Variants in TTC39A observed in about 807,000 individuals in gnomAD.
The protein encoded by TTC39A is tetratricopeptide repeat protein 39A.
TTC39A carries 46 observed loss-of-function variants against 82.3 expected under a neutral mutation model. That is an observed-to-expected ratio of 0.56 (90% confidence interval 0.44 to 0.71). TTC39A has a LOEUF of 0.71. Ranked by LOEUF, TTC39A falls within the 30% of genes least tolerant of loss-of-function variation. The pLI, the probability that TTC39A is intolerant of heterozygous loss-of-function variation, is 0.00. For synonymous variants in TTC39A, 254 were observed against 275.2 expected (o/e 0.92, Z 0.76); for missense variants, 543 against 712.9 (o/e 0.76, Z 2.71).
chr1:51,298,083 C>T (rs1355876862), intron 12 of TTC39A: 5 of 152,586 alleles, frequency 3.3e-5, no homozygotes, highest in Non-Finnish European at 5.9e-5. Flanking sequence ...CCATCACTCC[C>T]TGCATCCAGC....
rs116295167 is a variant in TTC39A at position 51,315,728 on chromosome 1, C to T, written c.147-2785G>A. ...CTCCAGCCAAGGTGAGTGTCTCCATCTCTCAGATACTCTAGACCCTCATTC... is the reference window on the plus strand; with the variant it reads ...CTCCAGCCAAGGTGAGTGTCTCCATTTCTCAGATACTCTAGACCCTCATTC... On this transcript the variant is annotated intron_variant, in intron 2 of 17. Transcript: ENST00000680483. 6.1e-3 allele frequency among the ~76,000 whole-genome samples: 931 copies of T among 152,324 alleles called. 7 individuals carry two copies. Among genetic ancestry groups the T allele is most frequent in the African/African-American group, 0.021 (864 of 41,558 alleles).
At chr1:51,322,574 AAATGAATGAATGAATGAATG>A (rs140876899) in intron 1 of TTC39A, among the ~76,000 whole-genome samples, 13 of 149,896 alleles carry the variant, frequency 8.7e-5, no homozygotes, top group African/African-American at 1.5e-4. Flanking sequence ...TCTGTTAGGT[AAATGAATGAATGAATGAATG>A]AATGAATGAA....
upstream of TTC39A, among the ~76,000 whole-genome samples, chr1:51,332,983 C>T (rs191913542): frequency 1.3e-5 from 2 of 152,220 alleles, no homozygotes; most frequent in East Asian, 1.9e-4. Context: ...GAGGCTGAGA[C>T]AGGCAGATCA....
In TTC39A at chr1:51,321,105, C is replaced by T. The variant is rs1645501020; in HGVS notation, c.146+616G>A. 2.0e-5 allele frequency among the ~76,000 whole-genome samples: 3 copies of T among 152,148 alleles called. No homozygotes were observed. In the South Asian group the frequency reaches 6.2e-4, roughly 32 times the overall value. On this transcript the variant is annotated intron_variant, in intron 2 of 17. Coordinates refer to ENST00000680483, the MANE Select transcript of TTC39A (RefSeq NM_001297663.2). This position sits in a 1 kb window ranked among gnomAD's most constrained non-coding sequence, Gnocchi z 4.6. ...GCCAGGCTGGTCTTGAACTTCTGACCTCAAGTGATCCACCCGCCTTGGCCT... is the reference window on the plus strand; with the variant it reads ...GCCAGGCTGGTCTTGAACTTCTGACTTCAAGTGATCCACCCGCCTTGGCCT...
intron 2 of TTC39A, among the ~76,000 whole-genome samples, chr1:51,320,635 T>C (rs555132109): frequency 2.0e-4 from 30 of 151,514 alleles, no homozygotes; most frequent in Non-Finnish European, 4.0e-4. Flanking sequence ...GTATTTTTTT[T>C]TGTAGATATG....
At position 51,330,137 on chromosome 1, in the gene TTC39A, C is replaced by G; in HGVS notation, c.41+300G>C. The G allele has an allele frequency of 1.0e-6, 1 of 985,520 alleles. No homozygotes were observed. The highest frequency in any genetic ancestry group is 1.2e-6 in the Non-Finnish European group (1 of 830,012). 61.0% of individuals were successfully genotyped at this position (985,520 alleles called of 1,614,324 possible). A position where few individuals can be genotyped will look rare whatever the true frequency, so the allele number is the denominator to read the frequency against. ...ACAGGGCCCACCCCACAGGAGTGAA[C>G]GCCACGAGGCAGGTGGGGAAGGCTG... On this transcript the variant is annotated intron_variant, in intron 1 of 17. Coordinates refer to ENST00000680483, the MANE Select transcript of TTC39A (RefSeq NM_001297663.2). This position sits in a 1 kb window ranked among gnomAD's most constrained non-coding sequence, Gnocchi z 4.5.
In TTC39A at chr1:51,309,311, C is replaced by T. The variant is rs1239215124; in HGVS notation, c.438G>A (p.Val146=). The change falls in exon 6 of 18, where the codon GTG becomes GTA. Residue 146 remains valine (V), a synonymous_variant. Coordinates refer to ENST00000680483, the MANE Select transcript of TTC39A (RefSeq NM_001297663.2). The part of the protein sequence containing the change: ...ALTFLQDENM[V]SFIKGGIKVR... ...CTTTGATGCCGCCTTTGATGAAGCT[C>T]ACCATGTTCTCGTCCTGCAGGAGGA... The T allele has an allele frequency of 1.2e-6, 2 of 1,612,914 alleles. No homozygotes were observed. The highest frequency in any genetic ancestry group is 1.7e-5 in the Admixed American group (1 of 59,806).
At chr1:51,302,253 C>T in intron 11 of TTC39A, 104 bp downstream of exon 11, 2 of 563,476 alleles carry the variant, frequency 3.5e-6, no homozygotes, top group Non-Finnish European at 6.8e-6. Context: ...CCCCCCCCGC[C>T]CCCAGTCTAT....
intron 6 of TTC39A, among the ~76,000 whole-genome samples, chr1:51,308,326 G>C (rs1057386056): frequency 6.8e-6 from 1 of 148,076 alleles, no homozygotes; most frequent in East Asian, 2.1e-4. Context: ...TGCAACCTCC[G>C]CCTCCCTGGT....
At chr1:51,311,346 G>A (rs754319817) in intron 4 of TTC39A, 25 bp from the exon 5 acceptor site, 46 of 1,555,566 alleles carry the variant, frequency 3.0e-5, no homozygotes, top group Non-Finnish European at 3.7e-5. Flanking sequence ...CCAAAGCCCC[G>A]TGGCCTCCTG....
Position 51,295,938 on chromosome 1 carries a change from G to A in TTC39A, c.1145+141C>T, listed in dbSNP as rs1430282465. 2.1e-5 allele frequency: 17 copies of A among 816,902 alleles called. No homozygotes were observed. The East Asian group carries it at 4.3e-4, about 21-fold the overall frequency. 50.6% of individuals were successfully genotyped at this position (816,902 alleles called of 1,614,324 possible). On this transcript the variant is annotated intron_variant, in intron 13 of 17. Coordinates refer to ENST00000680483, the MANE Select transcript of TTC39A (RefSeq NM_001297663.2). The stretch of plus-strand genomic sequence containing the variant: ...ATGGGAGGGGAGGACACGCAGGGGG[G>A]GCAGTCCGCGGGTGGGGGCAGGGAG...
rs1294095873 is a variant in TTC39A at position 51,311,280 on chromosome 1, G to T, written c.397C>A (p.Gln133Lys). Reference protein sequence around the residue: ...AEVCYAECLLQRAALTFLQDE... With the variant: ...AEVCYAECLLKRAALTFLQDE... Reference sequence around the variant, plus strand: ...TGCAGGAAGGTCAGGGCTGCTCGCTGCAGCAGGCACTCTGCATAGCAGACC... The same window carrying T: ...TGCAGGAAGGTCAGGGCTGCTCGCTTCAGCAGGCACTCTGCATAGCAGACC... The change falls in exon 5 of 18, where the codon CAG (glutamine) becomes AAG (lysine). Residue 133 changes from glutamine (Q) to lysine (K), a missense_variant. Gln to Lys is a moderately conservative substitution (Grantham distance 53). Transcript: ENST00000680483. 1.3e-6 allele frequency: 2 copies of T among 1,587,202 alleles called. No homozygotes were observed. The highest frequency in any genetic ancestry group is 1.3e-5 in the African/African-American group (1 of 74,498).
intron 1 of TTC39A, among the ~76,000 whole-genome samples, chr1:51,328,404 G>A (rs1645792921): frequency 6.6e-6 from 1 of 152,218 alleles, no homozygotes; most frequent in African/African-American, 2.4e-5. Context: ...ATCAGGGCAA[G>A]TGGGACAAGA....
intron 1 of TTC39A, among the ~76,000 whole-genome samples, chr1:51,324,494 T>C (rs1645640203): frequency 6.6e-6 from 1 of 152,140 alleles, no homozygotes; most frequent in South Asian, 2.1e-4. Flanking sequence ...GTTACTTCTG[T>C]GGGAGTTCAG....
intron 2 of TTC39A, among the ~76,000 whole-genome samples, chr1:51,318,696 A>G (rs906343648): frequency 1.3e-5 from 2 of 152,126 alleles, no homozygotes; most frequent in African/African-American, 4.8e-5. Flanking sequence ...GGTGGCAGAG[A>G]TGATTAGACC....
rs113328905 is a variant in TTC39A at position 51,323,624 on chromosome 1, C to G, written c.42-1799G>C. On this transcript the variant is annotated intron_variant, in intron 1 of 17. Coordinates refer to ENST00000680483, the MANE Select transcript of TTC39A (RefSeq NM_001297663.2). ...CTGTTAGATCCTGAGTAATTTCTTT[C>G]ATTTCACCAGCTCTTTCATTAGGTG... Among the ~76,000 whole-genome samples, 744 of 152,304 alleles carry G rather than the reference C, an allele frequency of 4.9e-3. 5 individuals carry two copies. Among genetic ancestry groups the G allele is most frequent in the African/African-American group, 0.016 (684 of 41,556 alleles).
intron 6 of TTC39A, among the ~76,000 whole-genome samples, chr1:51,308,802 T>C (rs1029207382): frequency 6.6e-6 from 1 of 152,202 alleles, no homozygotes; most frequent in Non-Finnish European, 1.5e-5. Flanking sequence ...TGTGTGTGTG[T>C]GTGCGTGCAT....
At position 51,305,150 on chromosome 1, in the gene TTC39A, C is replaced by T; in HGVS notation, c.589-4G>A. 6.2e-7 allele frequency: 1 copy of T among 1,613,164 alleles called. No homozygotes were observed. Among genetic ancestry groups the T allele is most frequent in the Non-Finnish European group, 8.5e-7 (1 of 1,179,310 alleles). On this transcript the variant is annotated splice_polypyrimidine_tract_variant and splice_region_variant and intron_variant, in intron 7 of 17. Transcript: ENST00000680483. Reference sequence around the variant, plus strand: ...TAGTAGGAAGCATGGACAGTGTCTGCAAGAAAGGAGGCAATCAAGCCTGTG... The same window carrying T: ...TAGTAGGAAGCATGGACAGTGTCTGTAAGAAAGGAGGCAATCAAGCCTGTG...
chr1:51,340,782 C>T (rs943745430), intron 1 of TTC39A, among the ~76,000 whole-genome samples: 2 of 152,246 alleles, frequency 1.3e-5, no homozygotes, highest in African/African-American at 2.4e-5. Flanking sequence ...TGAGTCCTAA[C>T]ATTACCCCCA....
Sources: gnomAD v4.1 joint callset for allele counts (sites outside exome capture counted in the v4.1 genomes callset) on GRCh38, gnomAD v4.1.1 for gene constraint, Gnocchi (gnomAD v3.1) non-coding constraint, MANE v1.5 for transcripts, NCBI Gene and HGNC (gene_info 2026-07-23, HGNC 2026-07-21) for gene names.